ARHGAP26: variants seen among roughly 807,000 people sequenced by gnomAD.
ARHGAP26 encodes Rho GTPase activating protein 26, also known as rho GTPase-activating protein 26.
In ARHGAP26, 38 loss-of-function variants were observed where a neutral mutation model predicts 104.8. The observed-to-expected ratio is 0.36, with a 90% CI of 0.28 to 0.48. The LOEUF (loss-of-function observed/expected upper bound fraction) is 0.48. ARHGAP26 is among the 20% of genes least tolerant of loss of function. ARHGAP26 has a pLI of 0.99. For synonymous variants in ARHGAP26, 341 were observed against 340.0 expected (o/e 1.00, Z -0.03); for missense variants, 704 against 947.9 (o/e 0.74, Z 3.38).
chr5:143,012,556 T>TATATATATATATATATAC (rs1562259608), intron 11 of ARHGAP26, among the ~76,000 whole-genome samples: 6 of 59,082 alleles, frequency 1.0e-4, no homozygotes, highest in Admixed American at 3.8e-4. Context: ...TACATACATA[T>TATATATATATATATATAC]ATATATATAT....
chr5:143,130,784 A>G (rs983101190), intron 18 of ARHGAP26, among the ~76,000 whole-genome samples: 2 of 152,210 alleles, frequency 1.3e-5, no homozygotes, highest in Admixed American at 1.3e-4. Flanking sequence ...TAAATAAACA[A>G]CAGTCACTTG....
At chr5:142,973,313 T>C (rs1772553400) in intron 11 of ARHGAP26, among the ~76,000 whole-genome samples, 1 of 152,238 alleles carries the variant, frequency 6.6e-6, no homozygotes, top group South Asian at 2.1e-4. Context: ...GTATTTTCTA[T>C]GTGATGCAGG....
In ARHGAP26 at chr5:143,208,513, C is replaced by T. The variant is rs578069885; in HGVS notation, c.2099+1205C>T. ...CTTTATTCCCCACTAGGCACTTACACATCTATCATTTCATTCTATCCTCGT... is the reference window on the plus strand; with the variant it reads ...CTTTATTCCCCACTAGGCACTTACATATCTATCATTTCATTCTATCCTCGT... On this transcript the variant is annotated intron_variant, in intron 21 of 22. Coordinates refer to ENST00000645722, the MANE Select transcript of ARHGAP26 (RefSeq NM_001135608.3). Among the ~76,000 whole-genome samples the T allele has an allele frequency of 3.3e-5, 5 of 152,360 alleles. No homozygotes were observed. In the South Asian group the frequency reaches 6.2e-4, roughly 19 times the overall value.
chr5:142,851,298 T>C (rs1751475151), intron 1 of ARHGAP26, among the ~76,000 whole-genome samples: 1 of 152,150 alleles, frequency 6.6e-6, no homozygotes, highest in Non-Finnish European at 1.5e-5. Context: ...GGTTTTTCCA[T>C]GTTGGCCAGG....
chr5:143,227,436 A>T lies in ARHGAP26; in HGVS notation c.*4990A>T, dbSNP rs755232824. The T allele has an allele frequency of 3.9e-5, 9 of 231,014 alleles. No individual in the cohort carries two copies. The highest frequency in any genetic ancestry group is 7.7e-5 in the Non-Finnish European group (9 of 116,774). 14.3% of individuals were successfully genotyped at this position (231,014 alleles called of 1,614,324 possible). Reference sequence around the variant, plus strand: ...ACCCACCCTGTGCTGGTGTCTAACAAATTTATCTTGTCATGCTCAAATGTG... The same window carrying T: ...ACCCACCCTGTGCTGGTGTCTAACATATTTATCTTGTCATGCTCAAATGTG... On this transcript the variant is annotated 3_prime_UTR_variant, in exon 23 of 23. Coordinates refer to ENST00000645722, the MANE Select transcript of ARHGAP26 (RefSeq NM_001135608.3).
intron 1 of ARHGAP26, among the ~76,000 whole-genome samples, chr5:142,834,574 G>A (rs1180216703): frequency 6.6e-6 from 1 of 152,052 alleles, no homozygotes. Context: ...TCCTCTTCTG[G>A]GCTCACTTGT....
At chr5:142,963,198 A>ATATGTGTGTGTG (rs869247749) in intron 11 of ARHGAP26, among the ~76,000 whole-genome samples, 2 of 98,336 alleles carry the variant, frequency 2.0e-5, no homozygotes, top group African/African-American at 1.2e-4. Context: ...ATATATATAT[A>ATATGTGTGTGTG]TGTGTGTGTG....
intron 17 of ARHGAP26, among the ~76,000 whole-genome samples, chr5:143,115,339 C>A (rs1168229707): frequency 1.0e-5 from 1 of 98,700 alleles, no homozygotes; most frequent in Non-Finnish European, 2.4e-5. Flanking sequence ...ATCTCAAAAA[C>A]AACAACAACA....
chr5:143,158,478 T>G (rs1024064967), intron 20 of ARHGAP26, among the ~76,000 whole-genome samples: 11 of 152,036 alleles, frequency 7.2e-5, no homozygotes, highest in African/African-American at 2.4e-4. Context: ...AACTCTCCAC[T>G]GGGGAAGAAT....
chr5:142,847,284 T>C (rs968296188), intron 1 of ARHGAP26, among the ~76,000 whole-genome samples: 10 of 152,172 alleles, frequency 6.6e-5, no homozygotes, highest in African/African-American at 1.9e-4. Flanking sequence ...CTCCTTGTTT[T>C]CAATATACAG....
At chr5:143,221,015 T>C (rs372902655) in intron 22 of ARHGAP26, among the ~76,000 whole-genome samples, 2 of 152,364 alleles carry the variant, frequency 1.3e-5, no homozygotes, top group South Asian at 4.1e-4. Flanking sequence ...TCTCTCCAAA[T>C]AATCTTGGAA....
At chr5:143,173,154 T>G (rs1010050702) in intron 20 of ARHGAP26, 1 of 166,878 alleles carries the variant, frequency 6.0e-6, no homozygotes, top group African/African-American at 2.4e-5. Context: ...GGCTGCATCT[T>G]GGTAAGTGAG....
chr5:142,936,595 G>T (rs764413152), intron 11 of ARHGAP26, among the ~76,000 whole-genome samples: 6 of 152,136 alleles, frequency 3.9e-5, no homozygotes, highest in Non-Finnish European at 7.4e-5. Flanking sequence ...GAATGAATTG[G>T]AAGTAGTCTG....
intron 17 of ARHGAP26, 57 bp from the exon 18 acceptor site, chr5:143,120,931 G>A (rs981286948): frequency 1.3e-6 from 2 of 1,530,056 alleles, no homozygotes; most frequent in Non-Finnish European, 1.8e-6. Flanking sequence ...CAGGGTGGTT[G>A]GTATCTCTGT....
chr5:142,946,537 C>T (rs1767134694), intron 11 of ARHGAP26: 1 of 152,040 alleles, frequency 6.6e-6, no homozygotes, highest in Non-Finnish European at 1.5e-5. Flanking sequence ...GCTGGCTTTT[C>T]TGTCAATTTC....
chr5:143,013,349 T>TGAC (rs1435102478), intron 11 of ARHGAP26, among the ~76,000 whole-genome samples: 1 of 152,236 alleles, frequency 6.6e-6, no homozygotes, highest in African/African-American at 2.4e-5. Flanking sequence ...TGTTAATGTC[T>TGAC]GACCCGTTGC....
chr5:142,822,685 G>A (rs1010498398), intron 1 of ARHGAP26, among the ~76,000 whole-genome samples: 1 of 151,970 alleles, frequency 6.6e-6, no homozygotes, highest in Non-Finnish European at 1.5e-5. Flanking sequence ...GTATATTCAT[G>A]TCACAATTAA....
At chr5:143,099,771 T>C (rs1291118047) in intron 17 of ARHGAP26, among the ~76,000 whole-genome samples, 1 of 152,086 alleles carries the variant, frequency 6.6e-6, no homozygotes, top group Non-Finnish European at 1.5e-5. Context: ...TGGGGGAATA[T>C]CAAAACCCAA....
chr5:143,020,162 G>T (rs1780119255), intron 12 of ARHGAP26, among the ~76,000 whole-genome samples: 1 of 152,180 alleles, frequency 6.6e-6, no homozygotes, highest in South Asian at 2.1e-4. Flanking sequence ...GCCTCTAGAA[G>T]TTCTTGGACT....
Sources: gnomAD v4.1 joint callset for allele counts (sites outside exome capture counted in the v4.1 genomes callset) on GRCh38, gnomAD v4.1.1 for gene constraint, MANE v1.5 for transcripts, NCBI Gene and HGNC (gene_info 2026-07-23, HGNC 2026-07-21) for gene names.